The following LUZP2 variants were observed in gnomAD, a reference collection of about 807,000 sequenced individuals.
LUZP2 encodes leucine zipper protein 2.
LUZP2 carries 52 observed loss-of-function variants against 51.6 expected under a neutral mutation model. The observed-to-expected ratio is 1.01, with a 90% CI of 0.81 to 1.27. The LOEUF (loss-of-function observed/expected upper bound fraction) is 1.27, where lower values mean the gene tolerates loss of function less well. Ranked by LOEUF, LUZP2 falls within the 50% of genes most tolerant of loss-of-function variation. LUZP2 has a pLI of 0.00. For missense variants in LUZP2, 436 were observed against 395.4 expected, an observed-to-expected ratio of 1.10 and a Z score of -0.87; for synonymous variants, 154 against 137.3, an observed-to-expected ratio of 1.12 and a Z score of -0.85.
chr11:24,641,006 TATAGA>T (rs1855263296), intron 1 of LUZP2, among the ~76,000 whole-genome samples: 1 of 123,874 alleles, frequency 8.1e-6, no homozygotes, highest in Admixed American at 7.9e-5. Context: ...TAGATATAGA[TATAGA>T]TATATATTTC....
intron 1 of LUZP2, among the ~76,000 whole-genome samples, chr11:24,618,250 G>C (rs1464363272): frequency 6.6e-5 from 10 of 152,214 alleles, no homozygotes; most frequent in African/African-American, 2.4e-4. Context: ...TTTCATTACT[G>C]CTGGATATGA....
At chr11:24,950,299 G>A (rs1162106548) in intron 7 of LUZP2, among the ~76,000 whole-genome samples, 1 of 151,506 alleles carries the variant, frequency 6.6e-6, no homozygotes, top group Non-Finnish European at 1.5e-5. Context: ...TTCTTGCAAT[G>A]TTTAATCTAC....
At chr11:25,030,939 T>TATATATATTATATATATAATACATATA (rs1857645250) in intron 9 of LUZP2, among the ~76,000 whole-genome samples, 1 of 20,882 alleles carries the variant, frequency 4.8e-5, no homozygotes, top group South Asian at 2.9e-3. Flanking sequence ...TAATATATAT[T>TATATATATTATATATATAATACATATA]ATATATATTA....
At chr11:24,577,008 A>T (rs899008183) in intron 1 of LUZP2, among the ~76,000 whole-genome samples, 3 of 152,064 alleles carry the variant, frequency 2.0e-5, no homozygotes, top group African/African-American at 7.2e-5. Flanking sequence ...AGCAATGAAT[A>T]GATGCTTTAT....
chr11:24,758,309 T>G (rs960212161), intron 4 of LUZP2, among the ~76,000 whole-genome samples: 3 of 150,182 alleles, frequency 2.0e-5, no homozygotes, highest in African/African-American at 7.4e-5. Context: ...CTTTAACTAA[T>G]GTGGGAATGA....
intron 5 of LUZP2, among the ~76,000 whole-genome samples, chr11:24,799,779 G>A (rs1176147059): frequency 6.6e-6 from 1 of 151,976 alleles, no homozygotes; most frequent in South Asian, 2.1e-4. Flanking sequence ...AATCAAATAT[G>A]GGGAAATGAT....
chr11:24,752,326 A>G (rs973771748), intron 4 of LUZP2, among the ~76,000 whole-genome samples: 2 of 152,196 alleles, frequency 1.3e-5, no homozygotes, highest in Non-Finnish European at 2.9e-5. Context: ...CAATAAAGCA[A>G]TGTTTTAGTA....
chr11:24,771,134 A>T (rs1381898983), intron 5 of LUZP2, among the ~76,000 whole-genome samples: 2 of 152,048 alleles, frequency 1.3e-5, no homozygotes, highest in Non-Finnish European at 2.9e-5. Context: ...GTCTGCTTTA[A>T]TTTTTCATGG....
chr11:24,604,039 A>G (rs1853830574), intron 1 of LUZP2, among the ~76,000 whole-genome samples: 1 of 151,772 alleles, frequency 6.6e-6, no homozygotes, highest in Non-Finnish European at 1.5e-5. Flanking sequence ...TATTTGCAAA[A>G]TTCTGTGTAA....
intron 1 of LUZP2, among the ~76,000 whole-genome samples, chr11:24,542,429 G>T (rs2133720924): frequency 6.6e-6 from 1 of 152,112 alleles, no homozygotes; most frequent in South Asian, 2.1e-4. Flanking sequence ...AAGAAAAAGG[G>T]AAAGTATGTC....
At chr11:25,036,769 A>G (rs1857877924) in intron 9 of LUZP2, among the ~76,000 whole-genome samples, 2 of 151,906 alleles carry the variant, frequency 1.3e-5, no homozygotes, top group South Asian at 4.1e-4. Flanking sequence ...ATGCGTTGAG[A>G]GAGATATTCT....
Position 24,677,219 on chromosome 11 carries a change from C to A in LUZP2, c.63-51950C>A, listed in dbSNP as rs551046525. 2.0e-5 allele frequency among the ~76,000 whole-genome samples: 3 copies of A among 152,266 alleles called. No homozygotes were observed. The South Asian group carries it at 6.2e-4, about 32-fold the overall frequency. ...CCCTCATGCTTCCATTCTATTTTCT[C>A]GGAACTATTCTTCACTTATAATCCA... On this transcript the variant is annotated intron_variant, in intron 1 of 11. Coordinates refer to ENST00000336930, the MANE Select transcript of LUZP2 (RefSeq NM_001009909.4).
At chr11:24,998,845 GA>G (rs1019980764) in intron 9 of LUZP2, among the ~76,000 whole-genome samples, 1 of 151,886 alleles carries the variant, frequency 6.6e-6, no homozygotes, top group Non-Finnish European at 1.5e-5. Context: ...TTCTCTCAGG[GA>G]TCACAATACT....
At chr11:25,011,395 C>T (rs1856979590) in intron 9 of LUZP2, among the ~76,000 whole-genome samples, 1 of 152,078 alleles carries the variant, frequency 6.6e-6, no homozygotes, top group Non-Finnish European at 1.5e-5. Flanking sequence ...ATGCTCTTCT[C>T]ATATTTCATC....
intron 5 of LUZP2, among the ~76,000 whole-genome samples, chr11:24,874,334 C>T (rs73442338): frequency 0.073 from 11,070 of 152,116 alleles, 1,138 homozygotes; most frequent in African/African-American, 0.22. Context: ...GTTGAAAGAA[C>T]ACTCAGGGGG....
intron 1 of LUZP2, among the ~76,000 whole-genome samples, chr11:24,633,074 G>T (rs1008176911): frequency 3.3e-5 from 5 of 152,004 alleles, no homozygotes; most frequent in Non-Finnish European, 5.9e-5. Flanking sequence ...GTTTTGATGT[G>T]AATTGCCTTT....
chr11:24,742,285 C>T (rs924268687), intron 4 of LUZP2, among the ~76,000 whole-genome samples: 4 of 151,652 alleles, frequency 2.6e-5, no homozygotes, highest in Non-Finnish European at 4.4e-5. Flanking sequence ...ACACTGTTTT[C>T]CACAGTGGCT....
chr11:25,030,905 AATATATATTGTAT>A (rs1565254282), intron 9 of LUZP2, among the ~76,000 whole-genome samples: 5,564 of 64,222 alleles, frequency 0.087, 890 homozygotes, highest in African/African-American at 0.23. Context: ...ATATATATAT[AATATATATTGTAT>A]TATATATATA....
chr11:24,944,057 C>T (rs1230156668), intron 7 of LUZP2, among the ~76,000 whole-genome samples: 3 of 152,120 alleles, frequency 2.0e-5, no homozygotes, highest in Admixed American at 6.6e-5. Flanking sequence ...AACTCACACA[C>T]ACATGATCAC....
Sources: allele counts gnomAD v4.1 joint callset (sites outside exome capture counted in the v4.1 genomes callset), GRCh38; gene constraint gnomAD v4.1.1; transcripts MANE v1.5; gene names NCBI Gene and HGNC (gene_info 2026-07-23, HGNC 2026-07-21).